ARHGAP24: variants seen among roughly 807,000 people sequenced by gnomAD.
ARHGAP24 encodes the protein Rho GTPase activating protein 24.
In ARHGAP24, 50 loss-of-function variants were observed where a neutral mutation model predicts 76.4. The observed-to-expected ratio is 0.65, with a 90% CI of 0.52 to 0.83. The LOEUF is 0.83. Ranked by LOEUF, ARHGAP24 falls within the 40% of genes least tolerant of loss-of-function variation. ARHGAP24 has a pLI of 0.00. For missense variants in ARHGAP24, 930 were observed against 914.2 expected (o/e 1.02, Z -0.22); for synonymous variants, 345 against 323.3 (o/e 1.07, Z -0.72).
At chr4:85,885,859 A>G (rs1250365851) in intron 3 of ARHGAP24, among the ~76,000 whole-genome samples, 5 of 152,088 alleles carry the variant, frequency 3.3e-5, no homozygotes, top group East Asian at 3.9e-4. Flanking sequence ...TTGATACTTT[A>G]TTTATTATCT....
At chr4:85,880,772 G>T (rs563811129) in intron 3 of ARHGAP24, among the ~76,000 whole-genome samples, 1 of 152,096 alleles carries the variant, frequency 6.6e-6, no homozygotes, top group South Asian at 2.1e-4. Context: ...CTCGTGATCC[G>T]CCCGCCTCGG....
chr4:85,520,634 T>C (rs1440968750), intron 1 of ARHGAP24, among the ~76,000 whole-genome samples: 1 of 152,166 alleles, frequency 6.6e-6, no homozygotes, highest in African/African-American at 2.4e-5. Flanking sequence ...TGTATTTTCT[T>C]GAACCTGTAA....
chr4:85,945,344 TG>T (rs1422576212), intron 5 of ARHGAP24, among the ~76,000 whole-genome samples: 2 of 152,192 alleles, frequency 1.3e-5, no homozygotes. Context: ...AGTTTCACCA[TG>T]TTGGCCAGGC....
intron 2 of ARHGAP24, among the ~76,000 whole-genome samples, chr4:85,669,013 TA>T (rs1399696346): frequency 6.6e-6 from 1 of 152,136 alleles, no homozygotes; most frequent in East Asian, 1.9e-4. Context: ...ATATTCTCAT[TA>T]TGTGCCTTTG....
intron 8 of ARHGAP24, 144 bp from the exon 9 acceptor site, chr4:85,994,439 G>T: frequency 3.6e-6 from 3 of 840,272 alleles, no homozygotes; most frequent in Non-Finnish European, 4.0e-6. Flanking sequence ...AGCTTCTATT[G>T]CTATTATCAT....
chr4:85,611,635 C>T (rs1262686955), intron 2 of ARHGAP24, among the ~76,000 whole-genome samples: 1 of 152,184 alleles, frequency 6.6e-6, no homozygotes, highest in Non-Finnish European at 1.5e-5. Flanking sequence ...CACCACTTCC[C>T]CTCTGTCCAT....
intron 3 of ARHGAP24, among the ~76,000 whole-genome samples, chr4:85,867,789 A>G (rs1184707562): frequency 1.3e-5 from 2 of 149,706 alleles, no homozygotes; most frequent in East Asian, 3.9e-4. Flanking sequence ...CATCTAGATT[A>G]TTTTTGCCTG....
chr4:85,825,117 A>G (rs78909804), intron 3 of ARHGAP24, among the ~76,000 whole-genome samples: 1,664 of 152,276 alleles, frequency 0.011, 19 homozygotes, highest in African/African-American at 0.018. Context: ...CAAAACAAAA[A>G]AAAAGAAAAG....
chr4:85,525,949 T>G (rs1724974118), intron 1 of ARHGAP24, among the ~76,000 whole-genome samples: 1 of 152,124 alleles, frequency 6.6e-6, no homozygotes, highest in Admixed American at 6.6e-5. Flanking sequence ...CTTTAGAGGC[T>G]TTTTACACCC....
At chr4:85,684,241 C>T (rs1481105782) in intron 2 of ARHGAP24, among the ~76,000 whole-genome samples, 1 of 152,152 alleles carries the variant, frequency 6.6e-6, no homozygotes, top group African/African-American at 2.4e-5. Flanking sequence ...CCATTTTCTG[C>T]ACATCTTTGT....
intron 4 of ARHGAP24, among the ~76,000 whole-genome samples, chr4:85,929,189 T>A (rs551258115): frequency 6.6e-6 from 1 of 152,354 alleles, no homozygotes; most frequent in African/African-American, 2.4e-5. Context: ...TTCGTGGTGC[T>A]GAGTTACACT....
chr4:85,620,834 G>A (rs1249282039), intron 2 of ARHGAP24, among the ~76,000 whole-genome samples: 1 of 151,874 alleles, frequency 6.6e-6, no homozygotes, highest in Non-Finnish European at 1.5e-5. Context: ...TTACATGGGT[G>A]TATTGTATAA....
Position 85,500,784 on chromosome 4 carries a change from G to T in ARHGAP24, c.-21+25225G>T, listed in dbSNP as rs199664116. ...CACAACGGGGAGGTTTGTTACATAGGTATACATGTGCCATGTTGGTTTGCT... is the reference window on the plus strand; with the variant it reads ...CACAACGGGGAGGTTTGTTACATAGTTATACATGTGCCATGTTGGTTTGCT... On this transcript the variant is annotated intron_variant, in intron 1 of 9. Coordinates refer to ENST00000395184, the MANE Select transcript of ARHGAP24 (RefSeq NM_001025616.3). Among the ~76,000 whole-genome samples, 72 of 152,144 alleles carry T rather than the reference G, an allele frequency of 4.7e-4. 1 individual carries two copies. In the East Asian group the frequency reaches 0.011, roughly 23 times the overall value.
intron 1 of ARHGAP24, among the ~76,000 whole-genome samples, chr4:85,509,241 T>C (rs1013667457): frequency 6.7e-6 from 1 of 149,444 alleles, no homozygotes; most frequent in South Asian, 2.2e-4. Context: ...ATATACCTAA[T>C]GCTAAATGAT....
At chr4:85,616,280 T>A (rs28380594) in intron 2 of ARHGAP24, among the ~76,000 whole-genome samples, 1,724 of 152,322 alleles carry the variant, frequency 0.011, 36 homozygotes, top group African/African-American at 0.039. Context: ...TAGTTGATAT[T>A]GTGATCAGAA....
chr4:85,508,518 C>T lies in ARHGAP24; in HGVS notation c.-21+32959C>T, dbSNP rs17010266. Among the ~76,000 whole-genome samples, 1,134 of 152,250 alleles carry T rather than the reference C, an allele frequency of 7.4e-3. 11 individuals are homozygous for T. Among genetic ancestry groups the T allele is most frequent in the African/African-American group, 0.026 (1,090 of 41,536 alleles). On this transcript the variant is annotated intron_variant, in intron 1 of 9. Coordinates refer to ENST00000395184, the MANE Select transcript of ARHGAP24 (RefSeq NM_001025616.3). Reference sequence around the variant, plus strand: ...CTAAGGCAAAAAGACCGAGTTTTGTCATCTCCAGCCAAAAGAGAAACACAA... The same window carrying T: ...CTAAGGCAAAAAGACCGAGTTTTGTTATCTCCAGCCAAAAGAGAAACACAA...
intron 3 of ARHGAP24, among the ~76,000 whole-genome samples, chr4:85,913,597 C>A (rs1735205914): frequency 6.6e-6 from 1 of 152,064 alleles, no homozygotes; most frequent in Non-Finnish European, 1.5e-5. Context: ...CTAGACCTCT[C>A]CCGTAAACTC....
At chr4:85,818,937 C>T (rs538030595) in intron 3 of ARHGAP24, among the ~76,000 whole-genome samples, 1 of 152,318 alleles carries the variant, frequency 6.6e-6, no homozygotes, top group East Asian at 1.9e-4. Flanking sequence ...CAGCAACACT[C>T]TTCACAACAG....
At chr4:85,518,769 A>G in intron 1 of ARHGAP24, among the ~76,000 whole-genome samples, 1 of 152,108 alleles carries the variant, frequency 6.6e-6, no homozygotes, top group Non-Finnish European at 1.5e-5. Flanking sequence ...TCATTGATTG[A>G]TGGGCATTTG....
Sources: allele counts gnomAD v4.1 joint callset (sites outside exome capture counted in the v4.1 genomes callset), GRCh38; gene constraint gnomAD v4.1.1; transcripts MANE v1.5; gene names NCBI Gene and HGNC (gene_info 2026-07-23, HGNC 2026-07-21).